RASGRF2: variants seen among roughly 807,000 people sequenced by gnomAD.
The protein encoded by RASGRF2 is Ras protein specific guanine nucleotide releasing factor 2.
A neutral mutation model predicts 151.0 loss-of-function variants in RASGRF2; 76 were observed. That is an observed-to-expected ratio of 0.50 (90% CI 0.42 to 0.61). The LOEUF (loss-of-function observed/expected upper bound fraction) is 0.61, where lower values mean the gene tolerates loss of function less well. Among genes scored for constraint, RASGRF2 ranks in the 20% least tolerant of loss-of-function variants. The probability of loss-of-function intolerance (pLI) is 0.00; values close to 1 mark genes in which losing one functional copy is unlikely to be tolerated. For missense variants in RASGRF2, 1,148 were observed against 1,564.6 expected (o/e 0.73, Z 4.49); for synonymous variants, 504 against 566.5 (o/e 0.89, Z 1.57).
intron 9 of RASGRF2, chr5:81,088,564 C>T (rs1752304685): frequency 6.6e-6 from 1 of 152,072 alleles, no homozygotes; most frequent in African/African-American, 2.4e-5. Context: ...TACTGAATTG[C>T]AATTATGACT....
At chr5:81,202,472 G>T (rs982834344) in intron 19 of RASGRF2, among the ~76,000 whole-genome samples, 7 of 152,200 alleles carry the variant, frequency 4.6e-5, no homozygotes, top group Admixed American at 3.9e-4. Flanking sequence ...ATGTTGGTTT[G>T]TGATGTGTTA....
chr5:81,092,046 G>A (rs1227253020), intron 9 of RASGRF2, among the ~76,000 whole-genome samples: 1 of 152,120 alleles, frequency 6.6e-6, no homozygotes, highest in African/African-American at 2.4e-5. Context: ...GGGGTAGGGG[G>A]AGGTTGCTAT....
intron 19 of RASGRF2, 113 bp from the exon 20 acceptor site, chr5:81,206,732 G>T (rs543958032): frequency 5.9e-6 from 5 of 840,666 alleles, no homozygotes; most frequent in South Asian, 5.8e-5. Context: ...GCATGGCCTT[G>T]TAGACCCAAA....
chr5:81,069,611 A>G (rs1751713501), intron 3 of RASGRF2, among the ~76,000 whole-genome samples: 1 of 152,188 alleles, frequency 6.6e-6, no homozygotes, highest in South Asian at 2.1e-4. Flanking sequence ...AGTTGCAGGT[A>G]TGTCTTCTCT....
chr5:81,032,060 T>G (rs1750273645), intron 1 of RASGRF2, among the ~76,000 whole-genome samples: 1 of 152,046 alleles, frequency 6.6e-6, no homozygotes. Flanking sequence ...AAGAAATGGA[T>G]AAATTCCTGG....
At chr5:81,073,033 TC>T (rs1176063351) in intron 4 of RASGRF2, among the ~76,000 whole-genome samples, 165 bp from the exon 5 acceptor site, 1 of 152,274 alleles carries the variant, frequency 6.6e-6, no homozygotes, top group East Asian at 1.9e-4. Context: ...GTGCACTTTC[TC>T]AGGCTTGCCT....
intron 17 of RASGRF2, among the ~76,000 whole-genome samples, chr5:81,151,031 T>C (rs1436562348): frequency 6.6e-6 from 1 of 152,210 alleles, no homozygotes; most frequent in African/African-American, 2.4e-5. Flanking sequence ...GCTATATATA[T>C]TTTATTAAAG....
chr5:81,115,611 T>C (rs545229985), intron 15 of RASGRF2, among the ~76,000 whole-genome samples: 1 of 152,310 alleles, frequency 6.6e-6, no homozygotes, highest in South Asian at 2.1e-4. Context: ...TCTCTTTTTA[T>C]TTTGTTTTAT....
intron 17 of RASGRF2, among the ~76,000 whole-genome samples, chr5:81,176,730 T>C (rs77046777): frequency 0.038 from 5,862 of 152,296 alleles, 370 homozygotes; most frequent in African/African-American, 0.13. Flanking sequence ...AGGGTCATCA[T>C]TGGCCTAGGC....
intron 12 of RASGRF2, chr5:81,096,183 C>A (rs1337993499): frequency 6.6e-6 from 1 of 152,134 alleles, no homozygotes; most frequent in Non-Finnish European, 1.5e-5. Flanking sequence ...AGAAAAGAAG[C>A]CATTTCTTTT....
intron 9 of RASGRF2, 142 bp downstream of exon 9, chr5:81,087,095 G>GT: frequency 1.3e-6 from 1 of 772,254 alleles, no homozygotes; most frequent in Non-Finnish European, 2.3e-6. Flanking sequence ...CGAGGCGGTG[G>GT]TTGAGGCCCA....
intron 3 of RASGRF2, among the ~76,000 whole-genome samples, chr5:81,069,137 C>T (rs1164057215): frequency 6.6e-6 from 1 of 152,092 alleles, no homozygotes; most frequent in African/African-American, 2.4e-5. Flanking sequence ...GTGTCTTGCA[C>T]CTTCCTCTGA....
intron 26 of RASGRF2, among the ~76,000 whole-genome samples, chr5:81,221,101 A>C (rs1163956121): frequency 6.6e-6 from 1 of 152,194 alleles, no homozygotes; most frequent in Admixed American, 6.5e-5. Context: ...CAGGGGTTAT[A>C]TTATCAACCT....
intron 13 of RASGRF2, among the ~76,000 whole-genome samples, chr5:81,111,511 C>T (rs2112540961): frequency 6.6e-6 from 1 of 151,958 alleles, no homozygotes. Context: ...TTTTTAATAC[C>T]ACAGAATTTT....
In RASGRF2 at chr5:81,196,176, T is replaced by C. The variant is rs550586183; in HGVS notation, c.2794-5154T>C. 4.1e-4 allele frequency among the ~76,000 whole-genome samples: 62 copies of C among 152,268 alleles called. No individual in the cohort carries two copies. The South Asian group carries it at 0.011, about 26-fold the overall frequency. ...CGGGAGGCTGAGGTGTGAGAATCCA[T>C]TGAACCTGGGAGGCAGAGGCTACAG... On this transcript the variant is annotated intron_variant, in intron 18 of 26. Transcript: ENST00000265080.
chr5:81,118,190 G>C (rs1431861696), intron 15 of RASGRF2, among the ~76,000 whole-genome samples: 1 of 152,240 alleles, frequency 6.6e-6, no homozygotes, highest in East Asian at 1.9e-4. Context: ...CTCCATCCCT[G>C]CAATAGGTCT....
intron 1 of RASGRF2, among the ~76,000 whole-genome samples, chr5:80,971,514 C>A (rs1747931878): frequency 1.3e-5 from 2 of 152,040 alleles, no homozygotes. Flanking sequence ...GTGATCCTCC[C>A]ACCTCAGCCT....
chr5:81,124,459 T>A (rs1173428234), intron 16 of RASGRF2, among the ~76,000 whole-genome samples: 1 of 152,176 alleles, frequency 6.6e-6, no homozygotes, highest in Non-Finnish European at 1.5e-5. Context: ...TCTGATATAT[T>A]ACCATGAGTC....
chr5:81,209,500 A>G (rs1409001911), intron 22 of RASGRF2, among the ~76,000 whole-genome samples: 2 of 152,244 alleles, frequency 1.3e-5, no homozygotes, highest in African/African-American at 4.8e-5. Flanking sequence ...TAGAATCAAA[A>G]TGCAAAAATG....
Sources: allele counts gnomAD v4.1 joint callset (sites outside exome capture counted in the v4.1 genomes callset), GRCh38; gene constraint gnomAD v4.1.1; transcripts MANE v1.5; gene names NCBI Gene and HGNC (gene_info 2026-07-23, HGNC 2026-07-21).